The following PRKAG2 variants were observed in gnomAD, a reference collection of about 807,000 sequenced individuals.
The protein encoded by PRKAG2 is 5'-AMP-activated protein kinase subunit gamma-2.
PRKAG2 carries 26 observed loss-of-function variants against 69.6 expected under a neutral mutation model. The observed-to-expected ratio is 0.37, with a 90% CI of 0.27 to 0.52. The LOEUF (loss-of-function observed/expected upper bound fraction) is 0.52. Among genes scored for constraint, PRKAG2 ranks in the 20% least tolerant of loss-of-function variants. The probability of loss-of-function intolerance (pLI) is 0.90; values close to 1 mark genes in which losing one functional copy is unlikely to be tolerated. For synonymous variants in PRKAG2, 293 were observed against 285.0 expected (o/e 1.03, Z -0.28); for missense variants, 557 against 740.0 (o/e 0.75, Z 2.87).
At chr7:151,783,285 G>C (rs2076824545) in intron 2 of PRKAG2, among the ~76,000 whole-genome samples, 1 of 152,254 alleles carries the variant, frequency 6.6e-6, no homozygotes, top group Admixed American at 6.5e-5. Flanking sequence ...GAAGAGTGTG[G>C]TGCTATAGGA....
chr7:151,846,445 C>T (rs556818717), intron 1 of PRKAG2, among the ~76,000 whole-genome samples: 233 of 148,278 alleles, frequency 1.6e-3, no homozygotes, highest in Non-Finnish European at 2.8e-3. Flanking sequence ...TCCAGCCTGA[C>T]GACAGAAACT....
At chr7:151,740,187 G>C (rs1019270823) in intron 3 of PRKAG2, among the ~76,000 whole-genome samples, 1 of 152,178 alleles carries the variant, frequency 6.6e-6, no homozygotes, top group Non-Finnish European at 1.5e-5. Flanking sequence ...TCCTCCTCCC[G>C]GGCTGCTGGT....
At position 151,632,604 on chromosome 7, in the gene PRKAG2, C is replaced by A; in HGVS notation, c.685-466G>T. ...CACCGGCGGCCGCGCTCGGCAGGCT[C>A]CACCTGCGCAGGTGTGGGCTCCGCG... On this transcript the variant is annotated intron_variant, in intron 4 of 15. Coordinates refer to ENST00000287878, the MANE Select transcript of PRKAG2 (RefSeq NM_016203.4). The surrounding 1 kb of genome is among the most constrained non-coding windows in gnomAD (Gnocchi z 4.2). 1 of 984,388 alleles carries A rather than the reference C, an allele frequency of 1.0e-6. No homozygotes were observed. Among genetic ancestry groups the A allele is most frequent in the Non-Finnish European group, 1.2e-6 (1 of 829,256 alleles). 61.0% of individuals were successfully genotyped at this position (984,388 alleles called of 1,614,324 possible). A position where few individuals can be genotyped will look rare whatever the true frequency, so the allele number is the denominator to read the frequency against.
chr7:151,587,664 G>C (rs1812014476), intron 6 of PRKAG2, among the ~76,000 whole-genome samples: 1 of 152,138 alleles, frequency 6.6e-6, no homozygotes, highest in South Asian at 2.1e-4. Context: ...AATCTCAGTA[G>C]AGGGCATTCT....
At chr7:151,799,597 GC>G (rs2077727737) in intron 1 of PRKAG2, among the ~76,000 whole-genome samples, 1 of 152,174 alleles carries the variant, frequency 6.6e-6, no homozygotes, top group South Asian at 2.1e-4. Context: ...TGTGATCCCA[GC>G]CACGCAGGCG....
At chr7:151,631,917 G>T in intron 5 of PRKAG2, 152 bp downstream of exon 5, 1 of 795,010 alleles carries the variant, frequency 1.3e-6, no homozygotes, top group Non-Finnish European at 1.7e-6. Flanking sequence ...CCGCATCCCC[G>T]CCCCGGTTCC....
At chr7:151,573,333 G>GTTTTTTTTTTTTT (rs57854174) in intron 8 of PRKAG2, among the ~76,000 whole-genome samples, 1 of 82,882 alleles carries the variant, frequency 1.2e-5, no homozygotes, top group Non-Finnish European at 2.1e-5. Context: ...ATTTTTGTGG[G>GTTTTTTTTTTTTT]TTTTTTTTTT....
intron 1 of PRKAG2, among the ~76,000 whole-genome samples, chr7:151,872,326 G>A (rs1586757917): frequency 6.6e-6 from 1 of 152,254 alleles, no homozygotes. Context: ...TGGTTTCCTT[G>A]ACACCAGCCC....
At chr7:151,603,708 CG>C (rs1816797928) in intron 5 of PRKAG2, among the ~76,000 whole-genome samples, 1 of 150,728 alleles carries the variant, frequency 6.6e-6, no homozygotes, top group Admixed American at 6.6e-5. Context: ...CTAAAATCAA[CG>C]TGACTCATCA....
intron 1 of PRKAG2, among the ~76,000 whole-genome samples, chr7:151,844,319 G>A (rs567258455): frequency 1.3e-5 from 2 of 152,200 alleles, no homozygotes; most frequent in South Asian, 2.1e-4. Context: ...CTAACACCTC[G>A]TCTCTAGCTC....
At chr7:151,769,816 A>G (rs539855616) in intron 3 of PRKAG2, among the ~76,000 whole-genome samples, 5 of 152,296 alleles carry the variant, frequency 3.3e-5, no homozygotes, top group African/African-American at 4.8e-5. Context: ...GACATGGCCG[A>G]GGGTGCACCC....
intron 1 of PRKAG2, 92 bp from the exon 2 acceptor site, chr7:151,786,633 T>A: frequency 1.0e-6 from 1 of 998,848 alleles, no homozygotes; most frequent in Non-Finnish European, 1.5e-6. Flanking sequence ...TCCCCCTTCC[T>A]GAGACCTTAT....
At chr7:151,639,451 G>C (rs866274517) in intron 4 of PRKAG2, among the ~76,000 whole-genome samples, 2 of 152,190 alleles carry the variant, frequency 1.3e-5, no homozygotes, top group African/African-American at 4.8e-5. Flanking sequence ...GGGTGTGTCC[G>C]TGCAGGAGTT....
chr7:151,624,191 C>T (rs1468909820), intron 5 of PRKAG2, among the ~76,000 whole-genome samples: 1 of 147,816 alleles, frequency 6.8e-6, no homozygotes, highest in African/African-American at 2.5e-5. Flanking sequence ...TTTTTTTTTT[C>T]AGATAAGGTC....
rs552056632 is a variant in PRKAG2, at chr7:151,827,907, C to T, written c.115-41366G>A. ...CTGATATTGTAATAGTGGATGTGGG[C>T]GCTTCCCTGGGTTCCAGCTTCGCAG... On this transcript the variant is annotated intron_variant, in intron 1 of 15. Transcript: ENST00000287878. Among the ~76,000 whole-genome samples, 218 of 152,240 alleles carry T rather than the reference C, an allele frequency of 1.4e-3. 1 individual carries two copies. Among genetic ancestry groups the T allele is most frequent in the African/African-American group, 5.0e-3 (207 of 41,530 alleles).
At chr7:151,772,821 A>G (rs958265044) in intron 3 of PRKAG2, among the ~76,000 whole-genome samples, 1 of 151,584 alleles carries the variant, frequency 6.6e-6, no homozygotes, top group Admixed American at 6.6e-5. Flanking sequence ...CCCAATTTCT[A>G]CAAAAAGTTA....
chr7:151,684,747 G>A lies in PRKAG2; in HGVS notation c.467-9110C>T, dbSNP rs559439960. Reference sequence around the variant, plus strand: ...CTCCACACAGGCTCAGTGTGGAGGTGAGAAATCCCAGCTGAGCCCTCTCTG... The same window carrying A: ...CTCCACACAGGCTCAGTGTGGAGGTAAGAAATCCCAGCTGAGCCCTCTCTG... On this transcript the variant is annotated intron_variant, in intron 3 of 15. Coordinates refer to ENST00000287878, the MANE Select transcript of PRKAG2 (RefSeq NM_016203.4). 3.0e-3 allele frequency among the ~76,000 whole-genome samples: 452 copies of A among 152,212 alleles called. 3 individuals are homozygous for A. The highest frequency in any genetic ancestry group is 9.8e-3 in the African/African-American group (405 of 41,526).
At position 151,622,784 on chromosome 7, in the gene PRKAG2, T is replaced by C. The variant is rs184944531; in HGVS notation, c.754+9285A>G. 4.1e-3 allele frequency among the ~76,000 whole-genome samples: 631 copies of C among 152,248 alleles called. 6 individuals carry two copies. Among genetic ancestry groups the C allele is most frequent in the Admixed American group, 6.5e-3 (99 of 15,292 alleles). On this transcript the variant is annotated intron_variant, in intron 5 of 15. Coordinates refer to ENST00000287878, the MANE Select transcript of PRKAG2 (RefSeq NM_016203.4). The stretch of plus-strand genomic sequence containing the variant: ...ATACCTGTGTCCACATGGGGCAAAG[T>C]CTGACAGTGCAGAAGAACAGAATCG...
chr7:151,793,082 CTGTT>C (rs138267870), intron 1 of PRKAG2, among the ~76,000 whole-genome samples: 3,016 of 152,338 alleles, frequency 0.02, 97 homozygotes, highest in African/African-American at 0.068. Flanking sequence ...CGCACGTTCT[CTGTT>C]TTTACCCACT....
Sources: gnomAD v4.1 joint callset for allele counts (sites outside exome capture counted in the v4.1 genomes callset) on GRCh38, gnomAD v4.1.1 for gene constraint, Gnocchi (gnomAD v3.1) non-coding constraint, MANE v1.5 for transcripts, NCBI Gene and HGNC (gene_info 2026-07-23, HGNC 2026-07-21) for gene names.